The following PHAX variants were observed in gnomAD, a reference collection of about 807,000 sequenced individuals.
The protein encoded by PHAX is phosphorylated adapter RNA export protein.
PHAX carries 31 observed loss-of-function variants against 41.6 expected under a neutral mutation model. That is an observed-to-expected ratio of 0.75 (90% CI 0.56 to 1.01). PHAX has a LOEUF of 1.01. Among genes scored for constraint, PHAX ranks in the 50% least tolerant of loss-of-function variants. The probability of loss-of-function intolerance (pLI) is 0.00; values close to 1 mark genes in which losing one functional copy is unlikely to be tolerated. For missense variants in PHAX, 453 were observed against 472.9 expected, an observed-to-expected ratio of 0.96 and a Z score of 0.39; for synonymous variants, 175 against 164.9, an observed-to-expected ratio of 1.06 and a Z score of -0.47.
Position 126,605,686 on chromosome 5 carries a change from G to A in PHAX, c.710+1503G>A, listed in dbSNP as rs573575993. 2.0e-5 allele frequency among the ~76,000 whole-genome samples: 3 copies of A among 152,184 alleles called. No individual in the cohort carries two copies. In the East Asian group the frequency reaches 5.8e-4, roughly 29 times the overall value. ...TGCTGGGATTATAGGCGTGAGCTGCGCACCCACTGTGTTTTCTTAAATTTG... is the reference window on the plus strand; with the variant it reads ...TGCTGGGATTATAGGCGTGAGCTGCACACCCACTGTGTTTTCTTAAATTTG... On this transcript the variant is annotated intron_variant, in intron 2 of 4. Transcript: ENST00000297540.
At chr5:126,618,899 T>G (rs1328773691) in intron 4 of PHAX, among the ~76,000 whole-genome samples, 1 of 152,064 alleles carries the variant, frequency 6.6e-6, no homozygotes, top group Non-Finnish European at 1.5e-5. Context: ...CCTCGTGATC[T>G]GCCTGCCTTG....
intron 2 of PHAX, among the ~76,000 whole-genome samples, chr5:126,606,838 G>A (rs1330385339): frequency 1.3e-5 from 2 of 151,820 alleles, no homozygotes; most frequent in East Asian, 3.9e-4. Flanking sequence ...TGTATTTTTA[G>A]TAGAGACAGG....
At chr5:126,610,234 T>C (rs781258332) in intron 3 of PHAX, among the ~76,000 whole-genome samples, 11 of 152,370 alleles carry the variant, frequency 7.2e-5, no homozygotes, top group Non-Finnish European at 1.5e-4. Context: ...AAAGAGCTCC[T>C]CTGGCTAGGC....
intron 3 of PHAX, among the ~76,000 whole-genome samples, chr5:126,614,351 G>T (rs10051326): frequency 6.6e-6 from 1 of 151,850 alleles, no homozygotes; most frequent in Admixed American, 6.6e-5. Flanking sequence ...CACCCGTCTC[G>T]GCCTCCCAAA....
chr5:126,609,767 TCTCA>T (rs1013526958), intron 3 of PHAX, among the ~76,000 whole-genome samples: 1 of 151,806 alleles, frequency 6.6e-6, no homozygotes, highest in African/African-American at 2.4e-5. Flanking sequence ...TGAGACGGAA[TCTCA>T]CTCTGTCGCC....
chr5:126,604,132 A>G lies in PHAX; in HGVS notation c.659A>G (p.Glu220Gly). The change falls in exon 2 of 5, where the codon GAG becomes GGG. Residue 220 changes from glutamate (E) to glycine (G), a missense_variant. Coordinates refer to ENST00000297540, the MANE Select transcript of PHAX (RefSeq NM_032177.4). ...GAAATGAACTATAAAGGTCGATACGAGATCACAGCGGAAGATTCTCAAGAG... is the reference window on the plus strand; with the variant it reads ...GAAATGAACTATAAAGGTCGATACGGGATCACAGCGGAAGATTCTCAAGAG... ...RPEMNYKGRYEITAEDSQEKV... is the reference protein window; with the variant it reads ...RPEMNYKGRYGITAEDSQEKV... The G allele has an allele frequency of 6.3e-7, 1 of 1,577,482 alleles. No individual in the cohort carries two copies. The highest frequency in any genetic ancestry group is 8.6e-7 in the Non-Finnish European group (1 of 1,165,014).
chr5:126,610,788 C>G (rs961048269), intron 3 of PHAX, among the ~76,000 whole-genome samples: 1 of 152,030 alleles, frequency 6.6e-6, no homozygotes, highest in African/African-American at 2.4e-5. Context: ...CTCACTGTAT[C>G]CTCCACCTCC....
At chr5:126,613,748 G>GT (rs531331525) in intron 3 of PHAX, among the ~76,000 whole-genome samples, 115 of 151,130 alleles carry the variant, frequency 7.6e-4, no homozygotes, top group African/African-American at 2.7e-3. Flanking sequence ...ATCATGGGTG[G>GT]TTTTTTTCTT....
chr5:126,614,060 G>A (rs538233555), intron 3 of PHAX, among the ~76,000 whole-genome samples: 3 of 151,418 alleles, frequency 2.0e-5, no homozygotes, highest in East Asian at 3.9e-4. Context: ...ATTGTACCCC[G>A]CCTATTTTTT....
At chr5:126,602,779 T>A (rs990799729) in intron 1 of PHAX, among the ~76,000 whole-genome samples, 5 of 151,078 alleles carry the variant, frequency 3.3e-5, no homozygotes, top group Admixed American at 3.3e-4. Flanking sequence ...CCGAGGCGGG[T>A]GGATCACGAG....
intron 4 of PHAX, among the ~76,000 whole-genome samples, chr5:126,618,587 T>A (rs1752222705): frequency 6.6e-6 from 1 of 152,050 alleles, no homozygotes; most frequent in Non-Finnish European, 1.5e-5. Context: ...CATATTCCAT[T>A]TGTTGTATCT....
Position 126,613,977 on chromosome 5 carries a change from T to C in PHAX, c.832-3273T>C, listed in dbSNP as rs372165444. Among the ~76,000 whole-genome samples, 34 of 152,222 alleles carry C rather than the reference T, an allele frequency of 2.2e-4. 1 individual carries two copies. In the South Asian group the frequency reaches 7.0e-3, roughly 32 times the overall value. On this transcript the variant is annotated intron_variant, in intron 3 of 4. Transcript: ENST00000297540. ...TTTTTGTAGAGACAGGGTTTCACCA[T>C]GTTGCCCAGGCTGGTCTCAAACTCC...
Position 126,617,269 on chromosome 5 carries a change from C to A in PHAX, c.851C>A (p.Thr284Lys). ...LFIMNGSRRR[T>K]PGGVFLNLLK... ...TTGTAGAATGGTAGTCGAAGAAGAA[C>A]ACCAGGTGGAGTTTTTCTGAATCTC... is the stretch of plus-strand genomic sequence containing the variant. The change falls in exon 4 of 5, where the codon ACA becomes AAA. Residue 284 changes from threonine to lysine, a missense_variant. By Grantham distance (78) the Thr-to-Lys change is moderately conservative. Transcript: ENST00000297540. 1 of 1,610,474 alleles carries A rather than the reference C, an allele frequency of 6.2e-7. No homozygotes were observed. Among genetic ancestry groups the A allele is most frequent in the Non-Finnish European group, 8.5e-7 (1 of 1,177,316 alleles).
Position 126,617,240 on chromosome 5 carries a change from CT to C in PHAX, c.832-5del. On this transcript the variant is annotated splice_polypyrimidine_tract_variant and intron_variant, in intron 3 of 4. Coordinates refer to ENST00000297540, the MANE Select transcript of PHAX (RefSeq NM_032177.4). ...TATATGCAGTTTACCTTTTCTGTTC[CT>C]TTTTGTAGAATGGTAGTCGAAGAAG... 1.3e-6 allele frequency: 2 copies of C among 1,592,642 alleles called. No individual in the cohort carries two copies. Among genetic ancestry groups the C allele is most frequent in the South Asian group, 1.1e-5 (1 of 90,176 alleles).
chr5:126,615,834 T>TA (rs2112835282), intron 3 of PHAX, among the ~76,000 whole-genome samples: 1 of 152,262 alleles, frequency 6.6e-6, no homozygotes, highest in Non-Finnish European at 1.5e-5. Flanking sequence ...GAAGGAATGT[T>TA]TCAATATTTG....
intron 4 of PHAX, among the ~76,000 whole-genome samples, chr5:126,619,582 A>AC (rs1262636278): frequency 1.3e-5 from 2 of 152,214 alleles, no homozygotes; most frequent in Admixed American, 1.3e-4. Context: ...TCTTTAAAAA[A>AC]AAAAAAAAAA....
intron 1 of PHAX, among the ~76,000 whole-genome samples, chr5:126,601,318 G>C (rs1751895179): frequency 6.6e-6 from 1 of 152,154 alleles, no homozygotes; most frequent in African/African-American, 2.4e-5. Flanking sequence ...CCCCGAACTG[G>C]CTGCTCCCTG....
chr5:126,624,968 CT>C lies in PHAX; in HGVS notation c.*126del. On this transcript the variant is annotated 3_prime_UTR_variant, in exon 5 of 5. Transcript: ENST00000297540. ...AATCTGGAGGAAAGACAATTGTTTTCTTGTTTAAAATATGTGTGGAAAGGAA... is the reference window on the plus strand; with the variant it reads ...AATCTGGAGGAAAGACAATTGTTTTCTGTTTAAAATATGTGTGGAAAGGAA... 1.2e-6 allele frequency: 1 copy of C among 868,392 alleles called. No individual in the cohort carries two copies. Among genetic ancestry groups the C allele is most frequent in the Non-Finnish European group, 1.7e-6 (1 of 574,584 alleles). 53.8% of individuals were successfully genotyped at this position (868,392 alleles called of 1,614,324 possible). A position where few individuals can be genotyped will look rare whatever the true frequency, so the allele number is the denominator to read the frequency against.
chr5:126,619,511 C>T lies in PHAX; in HGVS notation c.915+2178C>T, dbSNP rs186332324. Among the ~76,000 whole-genome samples the T allele has an allele frequency of 5.4e-4, 80 of 147,588 alleles. No homozygotes were observed. In the East Asian group the frequency reaches 9.0e-3, roughly 17 times the overall value. The stretch of plus-strand genomic sequence containing the variant: ...GAATCGCTTGAACCTGGGAGGTGGA[C>T]GTCGCAGTAAGCCGAGATCACACCA... On this transcript the variant is annotated intron_variant, in intron 4 of 4. Transcript: ENST00000297540.
Sources: allele counts gnomAD v4.1 joint callset (sites outside exome capture counted in the v4.1 genomes callset), GRCh38; gene constraint gnomAD v4.1.1; transcripts MANE v1.5; gene names NCBI Gene and HGNC (gene_info 2026-07-23, HGNC 2026-07-21).